ELAPOR1: variants seen among roughly 807,000 people sequenced by gnomAD.
ELAPOR1 encodes the protein endosome/lysosome-associated apoptosis and autophagy regulator 1.
In ELAPOR1, 77 loss-of-function variants were observed where a neutral mutation model predicts 119.7. That is an observed-to-expected ratio of 0.64 (90% CI 0.54 to 0.78). The LOEUF is 0.78. ELAPOR1 is among the 30% of genes least tolerant of loss of function. ELAPOR1 has a pLI of 0.00. For synonymous variants in ELAPOR1, 481 were observed against 487.2 expected (o/e 0.99, Z 0.17); for missense variants, 1,115 against 1,270.4 (o/e 0.88, Z 1.86).
chr1:109,160,469 C>A (rs895614640), intron 1 of ELAPOR1, among the ~76,000 whole-genome samples: 1 of 152,064 alleles, frequency 6.6e-6, no homozygotes, highest in Admixed American at 6.5e-5. Flanking sequence ...AATTTTAAGA[C>A]ACGTCTTGAT....
chr1:109,130,654 A>G (rs1649102911), intron 1 of ELAPOR1, among the ~76,000 whole-genome samples: 1 of 152,132 alleles, frequency 6.6e-6, no homozygotes, highest in African/African-American at 2.4e-5. Context: ...CCAGCATATC[A>G]ATATTTTAAA....
At chr1:109,173,342 AG>A (rs1460988637) in intron 5 of ELAPOR1, 131 bp from the exon 6 acceptor site, 2 of 725,684 alleles carry the variant, frequency 2.8e-6, no homozygotes, top group African/African-American at 3.5e-5. Context: ...GAGCTGAGGA[AG>A]AGGAGGAAGA....
At chr1:109,190,363 A>T (rs540160447) in intron 11 of ELAPOR1, among the ~76,000 whole-genome samples, 2 of 152,294 alleles carry the variant, frequency 1.3e-5, no homozygotes, top group South Asian at 4.1e-4. Context: ...AGCTGCATAG[A>T]GATAAGCTGA....
At chr1:109,177,492 ATGGGATGGCGGCCGGGAAGAGGCGCTCCT>A (rs1652414301) in intron 7 of ELAPOR1, among the ~76,000 whole-genome samples, 1 of 109,236 alleles carries the variant, frequency 9.2e-6, no homozygotes, top group Non-Finnish European at 1.8e-5. Flanking sequence ...CACTTCCCAG[ATGGGATGGCGGCCGGGAAGAGGCGCTCCT>A]CACTTCCCAG....
rs61097691 is a variant in ELAPOR1 at position 109,190,140 on chromosome 1, G to A, written c.1439+458G>A. On this transcript the variant is annotated intron_variant, in intron 11 of 21. Coordinates refer to ENST00000369939, the MANE Select transcript of ELAPOR1 (RefSeq NM_020775.5). Reference sequence around the variant, plus strand: ...TCCCACTAAACAAACAAACAAACACGCACACACACACACACACCTCCTGGC... The same window carrying A: ...TCCCACTAAACAAACAAACAAACACACACACACACACACACACCTCCTGGC... Among the ~76,000 whole-genome samples the A allele has an allele frequency of 9.4e-3, 1,420 of 151,012 alleles. 14 individuals carry two copies. The highest frequency in any genetic ancestry group is 0.036 in the South Asian group (169 of 4,752).
chr1:109,151,297 A>G (rs555176110), intron 1 of ELAPOR1, among the ~76,000 whole-genome samples: 1 of 152,176 alleles, frequency 6.6e-6, no homozygotes, highest in Non-Finnish European at 1.5e-5. Flanking sequence ...CCCAGGCCCT[A>G]TTGAGTCAGC....
chr1:109,185,019 T>C lies in ELAPOR1; in HGVS notation c.953-26T>C, dbSNP rs201187129. On this transcript the variant is annotated intron_variant, in intron 7 of 21. Coordinates refer to ENST00000369939, the MANE Select transcript of ELAPOR1 (RefSeq NM_020775.5). ...CTCAGCTTTCTTATGTAACTCCAAA[T>C]ATTTCTTCTTGCTTTGGCAATTTAG... 6.2e-5 allele frequency: 99 copies of C among 1,589,192 alleles called. 1 individual carries two copies. In the African/African-American group the frequency reaches 1.3e-3, roughly 20 times the overall value.
chr1:109,122,603 G>A (rs951636446), intron 1 of ELAPOR1, among the ~76,000 whole-genome samples: 1 of 152,010 alleles, frequency 6.6e-6, no homozygotes, highest in Non-Finnish European at 1.5e-5. Flanking sequence ...AAAGATTACA[G>A]TGAGCCGTGA....
intron 3 of ELAPOR1, among the ~76,000 whole-genome samples, chr1:109,171,213 C>A (rs553633694): frequency 6.6e-6 from 1 of 152,096 alleles, no homozygotes; most frequent in African/African-American, 2.4e-5. Context: ...ATATAAAGCA[C>A]GTAGTTCAAT....
chr1:109,194,700 G>A (rs1056651846), intron 15 of ELAPOR1, 106 bp downstream of exon 15: 1 of 977,642 alleles, frequency 1.0e-6, no homozygotes, highest in Non-Finnish European at 1.5e-6. Context: ...GGTAGCAGGG[G>A]GTTGAGGAGC....
chr1:109,191,691 A>G, intron 12 of ELAPOR1, 35 bp from the exon 13 acceptor site: 1 of 1,612,004 alleles, frequency 6.2e-7, no homozygotes, highest in Non-Finnish European at 8.5e-7. Context: ...CCCTCTGGCC[A>G]TCGCACCCGC....
chr1:109,145,517 A>AT (rs1305447201), intron 1 of ELAPOR1, among the ~76,000 whole-genome samples: 4 of 151,992 alleles, frequency 2.6e-5, no homozygotes, highest in African/African-American at 7.2e-5. Context: ...TTAGCTGGGC[A>AT]TGGTGGTGCG....
Position 109,205,481 on chromosome 1 carries a change from A to G in ELAPOR1, c.*2469A>G, listed in dbSNP as rs1298564060. 1 of 152,186 alleles carries G rather than the reference A, an allele frequency of 6.6e-6. No individual in the cohort carries two copies. The highest frequency in any genetic ancestry group is 1.5e-5 in the Non-Finnish European group (1 of 68,022). The allele number at this position is 152,186 out of a possible 1,614,324, so 9.4% of individuals were successfully genotyped here. On this transcript the variant is annotated 3_prime_UTR_variant, in exon 22 of 22. Transcript: ENST00000369939. ...TAATAAATCCAGTTTTTCTTTGGGT[A>G]TCCAAATTCTCCCCTCCTTTTGTAG...
rs138532124 is a variant in ELAPOR1 at position 109,159,190 on chromosome 1, G to A, written c.154-2704G>A. 2.9e-3 allele frequency among the ~76,000 whole-genome samples: 446 copies of A among 152,186 alleles called. 2 individuals are homozygous for A. Among genetic ancestry groups the A allele is most frequent in the African/African-American group, 8.9e-3 (370 of 41,538 alleles). ...ATTACAGCGTGAGCCACCGTGCCCC[G>A]CCCTAAGCTTATGTCTTGAATGGTG... On this transcript the variant is annotated intron_variant, in intron 1 of 21. Coordinates refer to ENST00000369939, the MANE Select transcript of ELAPOR1 (RefSeq NM_020775.5).
intron 1 of ELAPOR1, among the ~76,000 whole-genome samples, chr1:109,132,155 C>T (rs1328420274): frequency 1.4e-5 from 2 of 147,820 alleles, no homozygotes; most frequent in Non-Finnish European, 3.0e-5. Flanking sequence ...ACCAACCAGG[C>T]TTTTTTTTTT....
At chr1:109,185,692 C>T (rs555288567) in intron 8 of ELAPOR1, among the ~76,000 whole-genome samples, 72 of 152,290 alleles carry the variant, frequency 4.7e-4, no homozygotes, top group African/African-American at 1.6e-3. Flanking sequence ...GAGTCAGAGA[C>T]GACTGAAACA....
intron 2 of ELAPOR1, among the ~76,000 whole-genome samples, 178 bp downstream of exon 2, chr1:109,162,192 T>C (rs1018496121): frequency 5.3e-5 from 8 of 152,264 alleles, no homozygotes; most frequent in African/African-American, 1.2e-4. Context: ...AAGTATTTCA[T>C]GAATGCAAAC....
intron 7 of ELAPOR1, among the ~76,000 whole-genome samples, chr1:109,184,292 A>T (rs1018227161): frequency 4.6e-5 from 7 of 152,012 alleles, no homozygotes; most frequent in African/African-American, 1.7e-4. Context: ...AATCACTTGA[A>T]CCTGGGAGGC....
At chr1:109,129,506 C>G in intron 1 of ELAPOR1, among the ~76,000 whole-genome samples, 1 of 152,024 alleles carries the variant, frequency 6.6e-6, no homozygotes, top group East Asian at 1.9e-4. Flanking sequence ...AGTGAGACTC[C>G]GTCTCAAAAA....
Sources: gnomAD v4.1 joint callset for allele counts (sites outside exome capture counted in the v4.1 genomes callset) on GRCh38, gnomAD v4.1.1 for gene constraint, MANE v1.5 for transcripts, NCBI Gene and HGNC (gene_info 2026-07-23, HGNC 2026-07-21) for gene names.